Variants in EIF5A2 observed in about 807,000 individuals in gnomAD.
EIF5A2 encodes the protein eukaryotic translation initiation factor 5A2.
Under a neutral mutation model 16.4 loss-of-function variants are expected in EIF5A2, and 15 were observed. The ratio of observed to expected loss-of-function variants is 0.92; its 90% CI spans 0.61 to 1.41. The LOEUF (loss-of-function observed/expected upper bound fraction) is 1.41. Ranked by LOEUF, EIF5A2 falls within the 40% of genes most tolerant of loss-of-function variation. EIF5A2 has a pLI of 0.00. For synonymous variants in EIF5A2, 48 were observed against 61.1 expected (o/e 0.79, Z 1.00); for missense variants, 144 against 189.5 (o/e 0.76, Z 1.41).
intron 3 of EIF5A2, among the ~76,000 whole-genome samples, chr3:170,900,742 AG>A (rs1216670631): frequency 6.6e-6 from 1 of 152,230 alleles, no homozygotes; most frequent in African/African-American, 2.4e-5. Context: ...TTAAAGGGAA[AG>A]AGTCAAATAC....
At chr3:170,908,268 T>TG (rs1453043532) in intron 1 of EIF5A2, among the ~76,000 whole-genome samples, 1 of 152,166 alleles carries the variant, frequency 6.6e-6, no homozygotes, top group Non-Finnish European at 1.5e-5. Context: ...CCCGGCCCTC[T>TG]GCTAGCTGGC....
At chr3:170,893,467 T>C in intron 4 of EIF5A2, 48 bp from the exon 5 acceptor site, 1 of 1,588,192 alleles carries the variant, frequency 6.3e-7, no homozygotes, top group Non-Finnish European at 8.6e-7. Flanking sequence ...ACAATACATA[T>C]AGAAGATATA....
At chr3:170,898,173 C>T (rs569493115) in intron 3 of EIF5A2, among the ~76,000 whole-genome samples, 9 of 152,300 alleles carry the variant, frequency 5.9e-5, no homozygotes, top group South Asian at 2.1e-4. Flanking sequence ...GGCTCATAGG[C>T]GGAAGGGACT....
Position 170,907,754 on chromosome 3 carries a change from T to G in EIF5A2, c.53A>C (p.Tyr18Ser), listed in dbSNP as rs764290248. ...TTGDAGASST[Y>S]PMQCSALRKN... ...GCGCAAGGCCGAGCACTGCATAGGG[T>G]AAGTGCTGGAAGCCCCGGCATCTCC... The change falls in exon 2 of 5, where the codon TAC becomes TCC. Residue 18 changes from tyrosine (Y) to serine (S), a missense_variant. Physicochemically the swap from Tyr to Ser is moderately radical, Grantham distance 144. Coordinates refer to ENST00000295822, the MANE Select transcript of EIF5A2 (RefSeq NM_020390.6). 3.8e-6 allele frequency: 6 copies of G among 1,592,948 alleles called. No homozygotes were observed. The highest frequency in any genetic ancestry group is 5.2e-6 in the Non-Finnish European group (6 of 1,163,646).
chr3:170,900,741 AAGAGTCAAATAC>A (rs1712788554), intron 3 of EIF5A2, among the ~76,000 whole-genome samples: 1 of 152,202 alleles, frequency 6.6e-6, no homozygotes, highest in Non-Finnish European at 1.5e-5. Flanking sequence ...CTTAAAGGGA[AAGAGTCAAATAC>A]ACCCACCCCC....
At chr3:170,900,529 T>C (rs1712784032) in intron 3 of EIF5A2, among the ~76,000 whole-genome samples, 1 of 152,136 alleles carries the variant, frequency 6.6e-6, no homozygotes, top group Non-Finnish European at 1.5e-5. Flanking sequence ...GAATTAAAAT[T>C]AGGCCCATGT....
In EIF5A2 at chr3:170,888,699, T is replaced by G. The variant is rs530022250; in HGVS notation, c.*4661A>C. The stretch of plus-strand genomic sequence containing the variant: ...CTGTATCTAAGAAAAAAAAATGTAT[T>G]ACTAAAAAAGTGCCACTGAATTTAG... On this transcript the variant is annotated 3_prime_UTR_variant, in exon 5 of 5. Transcript: ENST00000295822. 1.3e-5 allele frequency: 2 copies of G among 152,702 alleles called. No homozygotes were observed. The highest frequency in any genetic ancestry group is 4.8e-5 in the African/African-American group (2 of 41,568). The allele number at this position is 152,702 out of a possible 1,614,324, so 9.5% of individuals were successfully genotyped here.
intron 3 of EIF5A2, among the ~76,000 whole-genome samples, chr3:170,905,592 A>C (rs1225566631): frequency 6.6e-6 from 1 of 152,238 alleles, no homozygotes; most frequent in Non-Finnish European, 1.5e-5. Context: ...CACATTCAGT[A>C]ATCACATATA....
At chr3:170,902,639 T>C in intron 3 of EIF5A2, among the ~76,000 whole-genome samples, 1 of 147,852 alleles carries the variant, frequency 6.8e-6, no homozygotes, top group South Asian at 2.2e-4. Context: ...GATGGAGTCT[T>C]GCTCTGTTGC....
At position 170,888,477 on chromosome 3, in the gene EIF5A2, TTAA is replaced by T. The variant is rs968876421; in HGVS notation, c.*4880_*4882del. 1 of 152,256 alleles carries T rather than the reference TTAA, an allele frequency of 6.6e-6. No individual in the cohort carries two copies. The highest frequency in any genetic ancestry group is 2.4e-5 in the African/African-American group (1 of 41,460). 9.4% of individuals were successfully genotyped at this position (152,256 alleles called of 1,614,324 possible). A position where few individuals can be genotyped will look rare whatever the true frequency, so the allele number is the denominator to read the frequency against. On this transcript the variant is annotated 3_prime_UTR_variant, in exon 5 of 5. Transcript: ENST00000295822. Reference sequence around the variant, plus strand: ...GATGAAGTTAACAGACAAATATATTTTAATAATATCACAAAGTTATAATTGTTA... The same window carrying T: ...GATGAAGTTAACAGACAAATATATTTTAATATCACAAAGTTATAATTGTTA...
At position 170,893,294 on chromosome 3, in the gene EIF5A2, A is replaced by G. The variant is rs765769323; in HGVS notation, c.*66T>C. The G allele has an allele frequency of 5.8e-6, 9 of 1,560,738 alleles. No homozygotes were observed. The highest frequency in any genetic ancestry group is 2.7e-5 in the African/African-American group (2 of 73,344). ...TATGAAGGCTATAGCTTTGGTGACAACTTAGAACCAAATTAGATCTGCAGT... is the reference window on the plus strand; with the variant it reads ...TATGAAGGCTATAGCTTTGGTGACAGCTTAGAACCAAATTAGATCTGCAGT... On this transcript the variant is annotated 3_prime_UTR_variant, in exon 5 of 5. Transcript: ENST00000295822.
At chr3:170,904,925 C>T (rs1879441) in intron 3 of EIF5A2, among the ~76,000 whole-genome samples, 25,691 of 152,164 alleles carry the variant, frequency 0.17, 2,252 homozygotes, top group Middle Eastern at 0.24. Flanking sequence ...AGTAACTTGT[C>T]AACCAAGGTC....
In EIF5A2 at chr3:170,893,403, G is replaced by GCA. The variant is rs773675434; in HGVS notation, c.417_418dup (p.Ala140ValfsTer3). ...GGCTACAGCATATTCTTCACTCATT[G>GCA]CACACATGACAGACACCTAGAAGGA... is the stretch of plus-strand genomic sequence containing the variant. On this transcript the variant is annotated frameshift_variant, in exon 5 of 5. Transcript: ENST00000295822. LOFTEE classifies it high-confidence loss of function. 5.0e-6 allele frequency: 8 copies of GCA among 1,613,812 alleles called. No homozygotes were observed. The highest frequency in any genetic ancestry group is 6.8e-6 in the Non-Finnish European group (8 of 1,179,944).
rs1434099608 is a variant in EIF5A2 at position 170,907,771 on chromosome 3, G to T, written c.36C>A (p.Ala12=). 1 of 1,580,010 alleles carries T rather than the reference G, an allele frequency of 6.3e-7. No homozygotes were observed. Among genetic ancestry groups the T allele is most frequent in the Non-Finnish European group, 8.7e-7 (1 of 1,154,158 alleles). ...GCATAGGGTAAGTGCTGGAAGCCCCGGCATCTCCAGTAGTGAAATCAATTT... is the reference window on the plus strand; with the variant it reads ...GCATAGGGTAAGTGCTGGAAGCCCCTGCATCTCCAGTAGTGAAATCAATTT... ...ADEIDFTTGD[A]GASSTYPMQC... Residue 12 remains alanine, a synonymous_variant, in exon 2 of 5, where the codon GCC becomes GCA. Coordinates refer to ENST00000295822, the MANE Select transcript of EIF5A2 (RefSeq NM_020390.6).
chr3:170,902,607 CTTTTT>C (rs1178996738), intron 3 of EIF5A2, among the ~76,000 whole-genome samples: 3 of 102,238 alleles, frequency 2.9e-5, no homozygotes, highest in Non-Finnish European at 4.0e-5. Flanking sequence ...AGAAGCCTTC[CTTTTT>C]TTTTTTTTTT....
rs910783619 is a variant in EIF5A2 at position 170,888,873 on chromosome 3, C to T, written c.*4487G>A. 1 of 152,270 alleles carries T rather than the reference C, an allele frequency of 6.6e-6. No individual in the cohort carries two copies. Among genetic ancestry groups the T allele is most frequent in the Admixed American group, 6.6e-5 (1 of 15,240 alleles). The allele number at this position is 152,270 out of a possible 1,614,324, so 9.4% of individuals were successfully genotyped here. On this transcript the variant is annotated 3_prime_UTR_variant, in exon 5 of 5. Transcript: ENST00000295822. The stretch of plus-strand genomic sequence containing the variant: ...AATGCTTATTTATAGTAGATATTAA[C>T]CACAATAAATAACTCCTCAAAAAAG...
chr3:170,907,231 A>G (rs1712957764), intron 2 of EIF5A2, 138 bp from the exon 3 acceptor site: 1 of 569,252 alleles, frequency 1.8e-6, no homozygotes. Context: ...TTACTTAAAA[A>G]AAAATGTAGT....
In EIF5A2 at chr3:170,894,292, C is replaced by A. The variant is rs755517036; in HGVS notation, c.402G>T (p.Gln134His). The A allele has an allele frequency of 1.2e-6, 2 of 1,612,684 alleles. No individual in the cohort carries two copies. Among genetic ancestry groups the A allele is most frequent in the Non-Finnish European group, 1.7e-6 (2 of 1,179,260 alleles). ...EGKYNAGEDV[Q>H]VSVMCAMSEE... ...AAATAATCCTTCTCTAAGTCTTTAC[C>A]TGTACATCTTCACCTGCATTGTATT... Residue 134 changes from glutamine (Q) to histidine (H), a missense_variant and splice_region_variant, in exon 4 of 5, where the codon CAG becomes CAT. By Grantham distance (24) the Gln-to-His change is conservative. Coordinates refer to ENST00000295822, the MANE Select transcript of EIF5A2 (RefSeq NM_020390.6).
chr3:170,898,663 T>C lies in EIF5A2; in HGVS notation c.271-4240A>G, dbSNP rs188825367. 5.1e-3 allele frequency among the ~76,000 whole-genome samples: 771 copies of C among 152,306 alleles called. 4 individuals are homozygous for C. Among genetic ancestry groups the C allele is most frequent in the Non-Finnish European group, 5.7e-3 (385 of 68,032 alleles). The stretch of plus-strand genomic sequence containing the variant: ...TTACTCAGTTTCAGGTAGTTCTTTA[T>C]AGCAGTGTGAAAATGGACTAATACA... On this transcript the variant is annotated intron_variant, in intron 3 of 4. Transcript: ENST00000295822.
Sources: gnomAD v4.1 joint callset for allele counts (sites outside exome capture counted in the v4.1 genomes callset) on GRCh38, gnomAD v4.1.1 for gene constraint, MANE v1.5 for transcripts, NCBI Gene and HGNC (gene_info 2026-07-23, HGNC 2026-07-21) for gene names.